The following BCHE variants were observed in gnomAD, a reference collection of about 807,000 sequenced individuals.
BCHE encodes butyrylcholinesterase.
In BCHE, 48 loss-of-function variants were observed where a neutral mutation model predicts 51.3. That is an observed-to-expected ratio of 0.94 (90% CI 0.74 to 1.19). The LOEUF (loss-of-function observed/expected upper bound fraction) is 1.19, where lower values mean the gene tolerates loss of function less well. Ranked by LOEUF, BCHE falls within the 50% of genes most tolerant of loss-of-function variation. The probability of loss-of-function intolerance (pLI) is 0.00; values close to 1 mark genes in which losing one functional copy is unlikely to be tolerated. For missense variants in BCHE, 847 were observed against 708.2 expected, an observed-to-expected ratio of 1.20 and a Z score of -2.23; for synonymous variants, 251 against 238.0, an observed-to-expected ratio of 1.05 and a Z score of -0.50.
intron 2 of BCHE, among the ~76,000 whole-genome samples, chr3:165,820,827 G>A (rs1714487558): frequency 6.6e-6 from 1 of 151,940 alleles, no homozygotes; most frequent in South Asian, 2.1e-4. Context: ...GCAGGTATAA[G>A]CATGCTAACA....
At chr3:165,785,459 A>T (rs969956843) in intron 3 of BCHE, among the ~76,000 whole-genome samples, 1 of 151,870 alleles carries the variant, frequency 6.6e-6, no homozygotes, top group African/African-American at 2.4e-5. Context: ...GTGGATTGAA[A>T]TATTTTCTTA....
At chr3:165,789,380 A>C (rs1403242801) in intron 2 of BCHE, among the ~76,000 whole-genome samples, 1 of 152,054 alleles carries the variant, frequency 6.6e-6, no homozygotes. Flanking sequence ...ATAGTTGATA[A>C]CTCATTTTAT....
At chr3:165,778,858 C>A (rs777119901) in intron 3 of BCHE, 1 of 227,336 alleles carries the variant, frequency 4.4e-6, no homozygotes, top group Non-Finnish European at 9.9e-6. Flanking sequence ...AACTAGTTAA[C>A]TGTCAACTAC....
At chr3:165,815,671 C>T (rs1714289771) in intron 2 of BCHE, among the ~76,000 whole-genome samples, 1 of 152,008 alleles carries the variant, frequency 6.6e-6, no homozygotes, top group African/African-American at 2.4e-5. Context: ...CCTGACTATA[C>T]AATAGGCTAA....
intron 2 of BCHE, among the ~76,000 whole-genome samples, chr3:165,788,338 T>C (rs1713040394): frequency 6.6e-6 from 1 of 152,052 alleles, no homozygotes; most frequent in Non-Finnish European, 1.5e-5. Flanking sequence ...TACTAGTTTA[T>C]TTTATGGAGG....
At chr3:165,813,895 T>G (rs972252644) in intron 2 of BCHE, among the ~76,000 whole-genome samples, 1 of 151,960 alleles carries the variant, frequency 6.6e-6, no homozygotes, top group African/African-American at 2.4e-5. Flanking sequence ...TTAAAAAAAG[T>G]CTTAATTTAC....
chr3:165,789,375 T>G (rs543920205), intron 2 of BCHE, among the ~76,000 whole-genome samples: 1 of 152,210 alleles, frequency 6.6e-6, no homozygotes, highest in East Asian at 1.9e-4. Context: ...AGCACATAGT[T>G]GATAACTCAT....
intron 1 of BCHE, among the ~76,000 whole-genome samples, 193 bp downstream of exon 1, chr3:165,837,121 T>C (rs1160623263): frequency 6.6e-6 from 1 of 152,190 alleles, no homozygotes; most frequent in Non-Finnish European, 1.5e-5. Flanking sequence ...CTGCGTTCCC[T>C]GAATAATAGG....
At chr3:165,821,181 C>T (rs1714497744) in intron 2 of BCHE, among the ~76,000 whole-genome samples, 1 of 151,406 alleles carries the variant, frequency 6.6e-6, no homozygotes, top group Admixed American at 6.6e-5. Flanking sequence ...TTGAAGAGAC[C>T]TCTAAGAATT....
At chr3:165,791,036 G>A (rs1004110684) in intron 2 of BCHE, among the ~76,000 whole-genome samples, 4 of 152,160 alleles carry the variant, frequency 2.6e-5, no homozygotes, top group African/African-American at 4.8e-5. Context: ...GGTGGCTCAC[G>A]CCTGTAATCC....
At chr3:165,829,139 A>C (rs1272941811) in intron 2 of BCHE, among the ~76,000 whole-genome samples, 1 of 152,126 alleles carries the variant, frequency 6.6e-6, no homozygotes, top group Non-Finnish European at 1.5e-5. Flanking sequence ...TTGGGAAGAA[A>C]TAGTCCTACT....
At chr3:165,795,641 A>G (rs1462207886) in intron 2 of BCHE, among the ~76,000 whole-genome samples, 1 of 152,152 alleles carries the variant, frequency 6.6e-6, no homozygotes, top group Non-Finnish European at 1.5e-5. Flanking sequence ...CCCTAGATTC[A>G]TTATAGTTTG....
intron 2 of BCHE, among the ~76,000 whole-genome samples, chr3:165,788,005 C>T (rs1713020234): frequency 6.6e-6 from 1 of 152,014 alleles, no homozygotes; most frequent in Admixed American, 6.6e-5. Context: ...TTAAGAAAAA[C>T]TCTGGTTGAA....
chr3:165,828,532 C>T lies in BCHE; in HGVS notation c.1517+985G>A, dbSNP rs571372794. 4.1e-4 allele frequency among the ~76,000 whole-genome samples: 63 copies of T among 152,086 alleles called. 1 individual carries two copies. The South Asian group carries it at 0.011, about 26-fold the overall frequency. On this transcript the variant is annotated intron_variant, in intron 2 of 3. Coordinates refer to ENST00000264381, the MANE Select transcript of BCHE (RefSeq NM_000055.4). ...GAGGGTGGAAAAGAACACCAGAAAG[C>T]AATAATGTAACTATCGGCATTTTGT...
intron 3 of BCHE, among the ~76,000 whole-genome samples, chr3:165,785,149 A>G (rs1712894375): frequency 6.6e-6 from 1 of 151,884 alleles, no homozygotes; most frequent in Non-Finnish European, 1.5e-5. Flanking sequence ...TGAGATGCCC[A>G]TATTTGCTGA....
intron 2 of BCHE, among the ~76,000 whole-genome samples, chr3:165,826,732 A>G (rs1370739459): frequency 6.6e-6 from 1 of 152,188 alleles, no homozygotes; most frequent in Admixed American, 6.6e-5. Context: ...TCATTTTCCT[A>G]AATGATAATT....
intron 2 of BCHE, among the ~76,000 whole-genome samples, chr3:165,818,702 G>A (rs569366699): frequency 3.3e-5 from 5 of 152,062 alleles, no homozygotes; most frequent in Non-Finnish European, 5.9e-5. Flanking sequence ...AGGAAGAGAC[G>A]TTAGTGAAAA....
chr3:165,787,772 A>T, intron 2 of BCHE, among the ~76,000 whole-genome samples: 1 of 151,932 alleles, frequency 6.6e-6, no homozygotes, highest in South Asian at 2.1e-4. Flanking sequence ...AGCCCTGGAA[A>T]ATTGTTTGAA....
At chr3:165,832,891 T>C (rs1012076243) in intron 1 of BCHE, among the ~76,000 whole-genome samples, 1 of 152,180 alleles carries the variant, frequency 6.6e-6, no homozygotes, top group African/African-American at 2.4e-5. Context: ...ATCAGCCTAA[T>C]TCACCAATGG....
Sources: allele counts gnomAD v4.1 joint callset (sites outside exome capture counted in the v4.1 genomes callset), GRCh38; gene constraint gnomAD v4.1.1; transcripts MANE v1.5; gene names NCBI Gene and HGNC (gene_info 2026-07-23, HGNC 2026-07-21).